MCCC1: variants seen among roughly 807,000 people sequenced by gnomAD.
MCCC1 encodes the protein methylcrotonoyl-CoA carboxylase subunit alpha, mitochondrial.
Under a neutral mutation model 83.8 loss-of-function variants are expected in MCCC1, and 64 were observed. The ratio of observed to expected loss-of-function variants is 0.76; its 90% confidence interval spans 0.62 to 0.94. The LOEUF (loss-of-function observed/expected upper bound fraction) is 0.94, where lower values mean the gene tolerates loss of function less well. MCCC1 is among the 40% of genes least tolerant of loss of function. The pLI, the probability that MCCC1 is intolerant of heterozygous loss-of-function variation, is 0.00. For missense variants in MCCC1, 807 were observed against 904.7 expected, an observed-to-expected ratio of 0.89 and a Z score of 1.39; for synonymous variants, 322 against 315.4, an observed-to-expected ratio of 1.02 and a Z score of -0.22.
intron 8 of MCCC1, among the ~76,000 whole-genome samples, chr3:183,055,337 G>C (rs13075011): frequency 0.62 from 94,031 of 151,954 alleles, 33,033 homozygotes; most frequent in Non-Finnish European, 0.79. Flanking sequence ...TTAAACCCGC[G>C]AGGCGGAGGA....
chr3:183,033,999 C>T lies in MCCC1; in HGVS notation c.1673G>A (p.Gly558Asp), dbSNP rs1560215228. ...SYTRNMTLKD[G>D]KNNVAIAVTY... ...AATGAAACATTACTTACTGTTTTTA[C>T]CATCTTTAAGAGTCATGTTTCTGGT... is the stretch of plus-strand genomic sequence containing the variant. The change falls in exon 14 of 19, where the codon GGT (glycine) becomes GAT (aspartate). Residue 558 changes from glycine to aspartate, a missense_variant. Coordinates refer to ENST00000265594, the MANE Select transcript of MCCC1 (RefSeq NM_020166.5). 2 of 1,600,660 alleles carry T rather than the reference C, an allele frequency of 1.2e-6. No individual in the cohort carries two copies. The highest frequency in any genetic ancestry group is 1.7e-6 in the Non-Finnish European group (2 of 1,168,776).
chr3:183,104,243 G>T (rs1463644340), upstream of MCCC1, among the ~76,000 whole-genome samples: 1 of 152,182 alleles, frequency 6.6e-6, no homozygotes, highest in Non-Finnish European at 1.5e-5. Context: ...CAAACTGGGA[G>T]CCCAGGCAGA....
At chr3:183,018,892 A>G (rs1489461151) in intron 17 of MCCC1, among the ~76,000 whole-genome samples, 1 of 152,222 alleles carries the variant, frequency 6.6e-6, no homozygotes, top group Admixed American at 6.5e-5. Context: ...AACCCCAGAA[A>G]GAGATTTCTA....
chr3:183,108,050 T>A (rs571935219), intron 1 of MCCC1, among the ~76,000 whole-genome samples: 1 of 152,344 alleles, frequency 6.6e-6, no homozygotes, highest in South Asian at 2.1e-4. Context: ...AATGAGGAAG[T>A]ACGTTGATCT....
intron 1 of MCCC1, among the ~76,000 whole-genome samples, chr3:183,105,622 C>T (rs113694415): frequency 3.3e-5 from 5 of 151,790 alleles, no homozygotes; most frequent in African/African-American, 7.3e-5. Context: ...GCATCTTTTG[C>T]GTTTCGTACC....
chr3:183,086,639 T>G (rs577980762), intron 4 of MCCC1, 54 bp downstream of exon 4: 4 of 1,497,622 alleles, frequency 2.7e-6, no homozygotes, highest in South Asian at 2.3e-5. Context: ...TAACTTTGCA[T>G]CAGTTGCACA....
intron 1 of MCCC1, among the ~76,000 whole-genome samples, chr3:183,107,998 A>G (rs761096749): frequency 1.3e-5 from 2 of 152,256 alleles, no homozygotes; most frequent in Non-Finnish European, 2.9e-5. Context: ...TGAGCATACA[A>G]AATAACAGTT....
chr3:183,108,232 T>G (rs80062059), intron 1 of MCCC1, among the ~76,000 whole-genome samples: 198 of 152,344 alleles, frequency 1.3e-3, no homozygotes, highest in African/African-American at 4.6e-3. Flanking sequence ...ATATCCAAAC[T>G]GTGGCCTCCA....
At chr3:183,084,000 G>A (rs984469524) in intron 4 of MCCC1, among the ~76,000 whole-genome samples, 1 of 152,180 alleles carries the variant, frequency 6.6e-6, no homozygotes, top group African/African-American at 2.4e-5. Flanking sequence ...CAGATCACTG[G>A]GGGATCTTGA....
At chr3:183,103,845 G>C (rs539494577), upstream of MCCC1, among the ~76,000 whole-genome samples, 4 of 152,216 alleles carry the variant, frequency 2.6e-5, no homozygotes, top group Admixed American at 6.5e-5. Flanking sequence ...CCACGGAGCG[G>C]GGGGAGGCTC....
chr3:183,023,264 G>A (rs1196035830), intron 15 of MCCC1, among the ~76,000 whole-genome samples: 1 of 152,120 alleles, frequency 6.6e-6, no homozygotes, highest in Admixed American at 6.5e-5. Flanking sequence ...TAGTGTAGAA[G>A]TCACATGGCT....
At chr3:183,047,691 A>C (rs572873919) in intron 9 of MCCC1, among the ~76,000 whole-genome samples, 5 of 152,240 alleles carry the variant, frequency 3.3e-5, no homozygotes, top group African/African-American at 1.2e-4. Context: ...ACCCTAATAG[A>C]AATGAAGCAT....
intron 15 of MCCC1, chr3:183,022,798 A>C (rs776850035): frequency 7.1e-5 from 29 of 410,914 alleles, no homozygotes; most frequent in Non-Finnish European, 1.1e-4. Context: ...CCATAGCACC[A>C]TAATGCTATA....
At chr3:183,077,607 G>T (rs564239071) in intron 4 of MCCC1, among the ~76,000 whole-genome samples, 48 of 139,664 alleles carry the variant, frequency 3.4e-4, no homozygotes, top group African/African-American at 1.0e-3. Context: ...ACAGTTTCAA[G>T]CTTTGAAGTC....
intron 1 of MCCC1, 86 bp downstream of exon 1, chr3:183,099,266 G>A (rs1002243256): frequency 4.7e-6 from 7 of 1,478,420 alleles, no homozygotes; most frequent in Non-Finnish European, 6.4e-6. Flanking sequence ...CCGACCCTGG[G>A]TTCCGCCGCA....
chr3:183,066,079 T>A (rs1716235855), intron 7 of MCCC1, among the ~76,000 whole-genome samples: 1 of 152,206 alleles, frequency 6.6e-6, no homozygotes. Context: ...TATATTTATA[T>A]AAATATGTTG....
At chr3:183,090,252 G>T (rs542680513) in intron 3 of MCCC1, among the ~76,000 whole-genome samples, 1 of 152,214 alleles carries the variant, frequency 6.6e-6, no homozygotes, top group Non-Finnish European at 1.5e-5. Flanking sequence ...GCTAAATGCT[G>T]CTGAGGGGTC....
chr3:183,099,730 T>C, upstream of MCCC1: 1 of 534,606 alleles, frequency 1.9e-6, no homozygotes, highest in Admixed American at 3.2e-5. Context: ...AAGGGTTTTC[T>C]CCATCCTCCC....
At chr3:183,046,317 G>T (rs903273280) in intron 9 of MCCC1, among the ~76,000 whole-genome samples, 1 of 151,848 alleles carries the variant, frequency 6.6e-6, no homozygotes, top group Non-Finnish European at 1.5e-5. Context: ...CTGTGTTTCT[G>T]TGTTTTTCTC....
Sources: gnomAD v4.1 joint callset for allele counts (sites outside exome capture counted in the v4.1 genomes callset) on GRCh38, gnomAD v4.1.1 for gene constraint, MANE v1.5 for transcripts, NCBI Gene and HGNC (gene_info 2026-07-23, HGNC 2026-07-21) for gene names.